UBAP1: variants seen among roughly 807,000 people sequenced by gnomAD.
UBAP1 encodes ubiquitin-associated protein 1.
A neutral mutation model predicts 39.0 loss-of-function variants in UBAP1; 5 were observed. The ratio of observed to expected loss-of-function variants is 0.13; its 90% CI spans 0.07 to 0.27. The LOEUF is 0.27. Among genes scored for constraint, UBAP1 ranks in the 10% least tolerant of loss-of-function variants. UBAP1 has a pLI of 1.00. For synonymous variants in UBAP1, 211 were observed against 225.1 expected (o/e 0.94, Z 0.56); for missense variants, 490 against 608.1 (o/e 0.81, Z 2.04).
At chr9:34,222,633 A>C (rs992218570) in intron 2 of UBAP1, among the ~76,000 whole-genome samples, 1 of 152,054 alleles carries the variant, frequency 6.6e-6, no homozygotes, top group African/African-American at 2.4e-5. Context: ...TGTCTCTACA[A>C]AAAAATTTTA....
intron 4 of UBAP1, among the ~76,000 whole-genome samples, chr9:34,249,026 C>G (rs921459795): frequency 6.6e-6 from 1 of 152,058 alleles, no homozygotes; most frequent in Non-Finnish European, 1.5e-5. Flanking sequence ...GCCTATCCGA[C>G]TGGGGTTAGT....
At chr9:34,237,576 G>C (rs1833767299) in intron 3 of UBAP1, among the ~76,000 whole-genome samples, 1 of 151,568 alleles carries the variant, frequency 6.6e-6, no homozygotes, top group African/African-American at 2.4e-5. Flanking sequence ...AACTTTTTTT[G>C]GTTTATTTGT....
rs769808151 is a variant in UBAP1 at position 34,242,053 on chromosome 9, T to C, written c.1028T>C (p.Leu343Pro). 3 of 1,613,880 alleles carry C rather than the reference T, an allele frequency of 1.9e-6. No homozygotes were observed. Among genetic ancestry groups the C allele is most frequent in the Non-Finnish European group, 1.7e-6 (2 of 1,179,768 alleles). Residue 343 changes from leucine (L) to proline (P), a missense_variant, in exon 4 of 7, where the codon CTC becomes CCC. Transcript: ENST00000297661. ...CTGACATCCTCCCAGATGCCTTCCCTCTCTGTTTTGTCTGTGTGCACAGAG... is the reference window on the plus strand; with the variant it reads ...CTGACATCCTCCCAGATGCCTTCCCCCTCTGTTTTGTCTGTGTGCACAGAG... ...PALTSSQMPS[L>P]SVLSVCTEES...
chr9:34,194,300 A>T (rs1830898003), intron 1 of UBAP1, among the ~76,000 whole-genome samples: 1 of 152,062 alleles, frequency 6.6e-6, no homozygotes, highest in East Asian at 1.9e-4. Context: ...AGAGATGTAT[A>T]AAAAGAAAAA....
rs141325207 is a variant in UBAP1, at chr9:34,246,836, A to AAATATTTGTG, written c.1084-2941_1084-2940insTATTTGTGAA. Among the ~76,000 whole-genome samples, 1,198 of 152,324 alleles carry AAATATTTGTG rather than the reference A, an allele frequency of 7.9e-3. 17 individuals carry two copies. The highest frequency in any genetic ancestry group is 0.027 in the African/African-American group (1,126 of 41,572). Reference sequence around the variant, plus strand: ...AGCACTAATATTTGTCTCCTTTCACAAACGTACTTTCCCTCAAACACTCAT... The same window carrying AAATATTTGTG: ...AGCACTAATATTTGTCTCCTTTCACAAATATTTGTGAACGTACTTTCCCTCAAACACTCAT... On this transcript the variant is annotated intron_variant, in intron 4 of 6. Transcript: ENST00000297661.
chr9:34,203,979 T>C (rs1292587165), intron 1 of UBAP1, among the ~76,000 whole-genome samples: 1 of 152,230 alleles, frequency 6.6e-6, no homozygotes, highest in Non-Finnish European at 1.5e-5. Context: ...CAATTACTTA[T>C]TTCAGGTCAA....
chr9:34,228,882 C>T (rs1193900560), intron 2 of UBAP1, among the ~76,000 whole-genome samples: 1 of 151,780 alleles, frequency 6.6e-6, no homozygotes, highest in Non-Finnish European at 1.5e-5. Flanking sequence ...TGCCTGGCCA[C>T]GTTCCCATCT....
chr9:34,182,675 CTTTCTTTCTCTCTCTCTT>C (rs1830144309), intron 1 of UBAP1, among the ~76,000 whole-genome samples: 2 of 71,718 alleles, frequency 2.8e-5, no homozygotes, highest in African/African-American at 4.3e-5. Flanking sequence ...TTCTTTCTTT[CTTTCTTTCTCTCTCTCTT>C]TCTTTTCTTT....
intron 1 of UBAP1, chr9:34,205,984 C>G (rs10971993): frequency 0.12 from 18,850 of 152,378 alleles, 1,531 homozygotes; most frequent in Non-Finnish European, 0.18. Flanking sequence ...GAGCGAGACT[C>G]CGTCTCAAAA....
chr9:34,180,602 G>T (rs1246194046), intron 1 of UBAP1, among the ~76,000 whole-genome samples: 1 of 151,950 alleles, frequency 6.6e-6, no homozygotes, highest in African/African-American at 2.4e-5. Context: ...TACTATAAGT[G>T]AAATTTTATT....
intron 1 of UBAP1, among the ~76,000 whole-genome samples, chr9:34,184,388 T>TG (rs1830263222): frequency 6.6e-6 from 1 of 151,010 alleles, no homozygotes; most frequent in Non-Finnish European, 1.5e-5. Context: ...TCCCAGCACT[T>TG]TGGGAGGCCG....
chr9:34,232,536 TAGATG>T (rs1420412002), intron 2 of UBAP1, among the ~76,000 whole-genome samples: 1 of 152,176 alleles, frequency 6.6e-6, no homozygotes, highest in Non-Finnish European at 1.5e-5. Context: ...GGCCAGAAGT[TAGATG>T]GGAAAGAGAT....
chr9:34,182,631 CTT>C (rs1422453336), intron 1 of UBAP1, among the ~76,000 whole-genome samples: 1 of 54,998 alleles, frequency 1.8e-5, no homozygotes, highest in African/African-American at 4.7e-5. Flanking sequence ...TTCTTTCTTT[CTT>C]TCTTTCTTTC....
intron 1 of UBAP1, among the ~76,000 whole-genome samples, chr9:34,213,188 G>A (rs184222673): frequency 4.6e-5 from 7 of 152,160 alleles, no homozygotes; most frequent in Admixed American, 3.3e-4. Context: ...ATCAGCATAC[G>A]AGGGACATAC....
chr9:34,246,820 A>G (rs1452479964), intron 4 of UBAP1, among the ~76,000 whole-genome samples: 3 of 152,060 alleles, frequency 2.0e-5, no homozygotes, highest in Non-Finnish European at 2.9e-5. Flanking sequence ...GAGCACTAAT[A>G]TTTGTCTCCT....
intron 1 of UBAP1, among the ~76,000 whole-genome samples, chr9:34,201,030 C>T (rs1412217970): frequency 2.0e-5 from 3 of 152,172 alleles, no homozygotes; most frequent in African/African-American, 7.2e-5. Context: ...CTGCCTCAGC[C>T]TCCCGAGTGA....
rs771407451 is a variant in UBAP1 at position 34,250,659 on chromosome 9, T to A, written c.1268T>A (p.Ile423Asn). 1 of 1,612,098 alleles carries A rather than the reference T, an allele frequency of 6.2e-7. No individual in the cohort carries two copies. The highest frequency in any genetic ancestry group is 1.1e-5 in the South Asian group (1 of 91,004). Residue 423 changes from isoleucine (I) to asparagine (N), a missense_variant and splice_region_variant, in exon 6 of 7, where the codon ATT becomes AAT. By Grantham distance (149) the Ile-to-Asn change is moderately radical. This residue lies in a region of UBAP1 where 339 missense variants were observed against 390.0 expected (regional missense o/e 0.87). Coordinates refer to ENST00000297661, the MANE Select transcript of UBAP1 (RefSeq NM_016525.5). The part of the protein sequence containing the change: ...MKKKGENIEQ[I>N]LDYLFAHGQL... Reference sequence around the variant, plus strand: ...TAAACCCCTTGTTTCTTTTCTTAGATTCTCGACTATCTCTTTGCACATGGA... The same window carrying A: ...TAAACCCCTTGTTTCTTTTCTTAGAATCTCGACTATCTCTTTGCACATGGA...
intron 4 of UBAP1, among the ~76,000 whole-genome samples, chr9:34,249,330 GT>G (rs1834348434): frequency 6.6e-6 from 1 of 152,186 alleles, no homozygotes; most frequent in African/African-American, 2.4e-5. Context: ...TAGCTCCAAA[GT>G]GGGAGTATTT....
chr9:34,189,335 C>T (rs769125433), intron 1 of UBAP1, among the ~76,000 whole-genome samples: 7 of 149,464 alleles, frequency 4.7e-5, no homozygotes, highest in East Asian at 2.0e-4. Context: ...ATTACAGGCA[C>T]GTGCCACCAT....
Sources: allele counts gnomAD v4.1 joint callset (sites outside exome capture counted in the v4.1 genomes callset), GRCh38; gene constraint gnomAD v4.1.1; regional missense constraint gnomAD v4.1.1; transcripts MANE v1.5; gene names NCBI Gene and HGNC (gene_info 2026-07-23, HGNC 2026-07-21).